MED13L: variants seen among roughly 807,000 people sequenced by gnomAD.
MED13L encodes the protein mediator complex subunit 13L.
MED13L carries 7 observed loss-of-function variants against 220.9 expected under a neutral mutation model. That is an observed-to-expected ratio of 0.03 (90% CI 0.02 to 0.06). MED13L has a LOEUF of 0.06. Among genes scored for constraint, MED13L ranks in the 10% least tolerant of loss-of-function variants. The probability of loss-of-function intolerance (pLI) is 1.00; values close to 1 mark genes in which losing one functional copy is unlikely to be tolerated. For missense variants in MED13L, 1,965 were observed against 2,760.5 expected (o/e 0.71, Z 6.46); for synonymous variants, 1,011 against 1,015.2 (o/e 1.00, Z 0.08).
intron 1 of MED13L, among the ~76,000 whole-genome samples, chr12:116,271,235 G>C (rs12306113): frequency 1.3e-5 from 2 of 151,724 alleles, no homozygotes; most frequent in Admixed American, 1.3e-4. Context: ...GTGTGCGCTA[G>C]AATACTATAC....
chr12:116,156,337 A>G (rs570986107), intron 2 of MED13L, among the ~76,000 whole-genome samples: 1 of 151,854 alleles, frequency 6.6e-6, no homozygotes, highest in Non-Finnish European at 1.5e-5. Flanking sequence ...TTTAACTCCA[A>G]ATTAACAAAT....
intron 1 of MED13L, among the ~76,000 whole-genome samples, chr12:116,260,387 T>C (rs1027249860): frequency 1.3e-5 from 2 of 152,122 alleles, no homozygotes; most frequent in African/African-American, 4.8e-5. Flanking sequence ...GCACTGGTGA[T>C]GCACATAAAG....
At position 115,966,093 on chromosome 12, in the gene MED13L, G is replaced by T; in HGVS notation, c.6376C>A (p.Leu2126Ile). 1 of 1,614,106 alleles carries T rather than the reference G, an allele frequency of 6.2e-7. No homozygotes were observed. Among genetic ancestry groups the T allele is most frequent in the African/African-American group, 1.3e-5 (1 of 75,030 alleles). Residue 2126 changes from leucine (L) to isoleucine (I), a missense_variant, in exon 29 of 31, where the codon CTC becomes ATC. By Grantham distance (5) the Leu-to-Ile change is conservative (BLOSUM62 2). Coordinates refer to ENST00000281928, the MANE Select transcript of MED13L (RefSeq NM_015335.5). The part of the protein sequence containing the change: ...SCPQAQNQCP[L>I]FLKASLHHHI... ...GACACCAAACCAACCTTTAAGAAGA[G>T]AGGGCACTGGTTTTGAGCCTGGGGA...
intron 1 of MED13L, among the ~76,000 whole-genome samples, chr12:116,240,778 C>T (rs1032762984): frequency 6.6e-6 from 1 of 151,684 alleles, no homozygotes; most frequent in Non-Finnish European, 1.5e-5. Flanking sequence ...CCGCCCACCT[C>T]CGCCTCCCAA....
intron 23 of MED13L, among the ~76,000 whole-genome samples, chr12:115,977,723 G>A (rs989051167): frequency 2.6e-5 from 4 of 152,162 alleles, no homozygotes; most frequent in African/African-American, 4.8e-5. Flanking sequence ...ATGGCCAGGC[G>A]AGGTGGTTCA....
chr12:116,203,586 G>A (rs907831769), intron 2 of MED13L, among the ~76,000 whole-genome samples: 12 of 152,036 alleles, frequency 7.9e-5, no homozygotes, highest in South Asian at 2.1e-4. Flanking sequence ...TTGGGAGACC[G>A]AAGTGGGCAA....
chr12:116,133,207 TTTG>T (rs962424334), intron 2 of MED13L, among the ~76,000 whole-genome samples: 13 of 152,038 alleles, frequency 8.6e-5, no homozygotes, highest in African/African-American at 2.9e-4. Context: ...CTCACCAGAG[TTTG>T]TTTTCTTTTT....
chr12:116,149,332 T>C (rs1877849453), intron 2 of MED13L, among the ~76,000 whole-genome samples: 1 of 152,206 alleles, frequency 6.6e-6, no homozygotes, highest in African/African-American at 2.4e-5. Context: ...TCAGAAGGAA[T>C]TGTCTAGAGC....
chr12:116,078,379 T>G (rs1870983897), intron 4 of MED13L, among the ~76,000 whole-genome samples: 1 of 152,152 alleles, frequency 6.6e-6, no homozygotes, highest in African/African-American at 2.4e-5. Context: ...CTACATATAA[T>G]TATAAACATT....
intron 13 of MED13L, among the ~76,000 whole-genome samples, chr12:116,004,324 T>G (rs903969854): frequency 2.0e-5 from 3 of 152,136 alleles, no homozygotes; most frequent in African/African-American, 7.2e-5. Context: ...AATGCCTGGA[T>G]CAGCAATGAA....
At position 116,102,527 on chromosome 12, in the gene MED13L, C is replaced by T. The variant is rs572091866; in HGVS notation, c.396-5775G>A. Among the ~76,000 whole-genome samples, 68 of 152,102 alleles carry T rather than the reference C, an allele frequency of 4.5e-4. 1 individual carries two copies. Among genetic ancestry groups the T allele is most frequent in the Middle Eastern group, 3.4e-3 (1 of 294 alleles). Reference sequence around the variant, plus strand: ...ACATTACTTCATAATAGAGTATCTCCACCAGCCTCAAAGCCTTTTGCTCAC... The same window carrying T: ...ACATTACTTCATAATAGAGTATCTCTACCAGCCTCAAAGCCTTTTGCTCAC... On this transcript the variant is annotated intron_variant, in intron 3 of 30. Transcript: ENST00000281928.
At position 116,123,452 on chromosome 12, in the gene MED13L, G is replaced by T. The variant is rs553552209; in HGVS notation, c.311-11940C>A. Among the ~76,000 whole-genome samples, 9 of 152,246 alleles carry T rather than the reference G, an allele frequency of 5.9e-5. No individual in the cohort carries two copies. In the East Asian group the frequency reaches 1.7e-3, roughly 29 times the overall value. On this transcript the variant is annotated intron_variant, in intron 2 of 30. Transcript: ENST00000281928. ...TTTTATAAACTTCCTCTAGGACAAT[G>T]ATTTTAATAAAGATGAGTCAACTAC...
intron 2 of MED13L, among the ~76,000 whole-genome samples, chr12:116,219,527 T>C (rs1433303394): frequency 1.3e-5 from 2 of 152,196 alleles, no homozygotes; most frequent in African/African-American, 2.4e-5. Context: ...GAGATGTGAA[T>C]ATAAAGATTA....
intron 4 of MED13L, among the ~76,000 whole-genome samples, chr12:116,029,161 A>G (rs1354615984): frequency 6.6e-6 from 1 of 151,508 alleles, no homozygotes; most frequent in Non-Finnish European, 1.5e-5. Flanking sequence ...TCTAAGTATT[A>G]TAAAAGAAAT....
chr12:115,995,910 T>A (rs536038465), intron 16 of MED13L, among the ~76,000 whole-genome samples: 1 of 152,318 alleles, frequency 6.6e-6, no homozygotes, highest in East Asian at 1.9e-4. Flanking sequence ...CGTGTATTAC[T>A]TTTACATCAT....
At chr12:116,244,263 A>C (rs1870904359) in intron 1 of MED13L, among the ~76,000 whole-genome samples, 1 of 152,222 alleles carries the variant, frequency 6.6e-6, no homozygotes, top group Admixed American at 6.5e-5. Context: ...GAAAAAAGTC[A>C]CATGTAATAG....
At chr12:116,271,593 T>A (rs1369351248) in intron 1 of MED13L, among the ~76,000 whole-genome samples, 2 of 143,728 alleles carry the variant, frequency 1.4e-5, no homozygotes, top group Non-Finnish European at 3.0e-5. Context: ...GCCACTGCAC[T>A]CCAGCCTGGG....
rs746923184 is a variant in MED13L at position 116,253,753 on chromosome 12, G to GTTT, written c.73-16051_73-16049dup. Among the ~76,000 whole-genome samples, 62 of 76,494 alleles carry GTTT rather than the reference G, an allele frequency of 8.1e-4. 1 individual carries two copies. Among genetic ancestry groups the GTTT allele is most frequent in the Non-Finnish European group, 9.7e-4 (39 of 40,142 alleles). The allele number at this position is 76,494 out of a possible 152,430, so 50.2% of individuals were successfully genotyped here. A position where few individuals can be genotyped will look rare whatever the true frequency, so the allele number is the denominator to read the frequency against. ...AATACCCACCTTCACGGTTTTTTTT[G>GTTT]TTTTTTTTTTTTTTTTTTTTTTTTT... On this transcript the variant is annotated intron_variant, in intron 1 of 30. Transcript: ENST00000281928.
At chr12:116,256,013 CACA>C (rs1872010261) in intron 1 of MED13L, among the ~76,000 whole-genome samples, 1 of 152,126 alleles carries the variant, frequency 6.6e-6, no homozygotes, top group South Asian at 2.1e-4. Flanking sequence ...ATAAAAGATT[CACA>C]ACATGTACTA....
Sources: gnomAD v4.1 joint callset for allele counts (sites outside exome capture counted in the v4.1 genomes callset) on GRCh38, gnomAD v4.1.1 for gene constraint, MANE v1.5 for transcripts, NCBI Gene and HGNC (gene_info 2026-07-23, HGNC 2026-07-21) for gene names.